The following SHISA9 variants were observed in gnomAD, a reference collection of about 807,000 sequenced individuals.
SHISA9 encodes shisa family member 9, also known as protein shisa-9.
In SHISA9, 13 loss-of-function variants were observed where a neutral mutation model predicts 38.0. That is an observed-to-expected ratio of 0.34 (90% CI 0.22 to 0.54). The LOEUF is 0.54. SHISA9 is among the 20% of genes least tolerant of loss of function. SHISA9 has a pLI of 0.91. For missense variants in SHISA9, 538 were observed against 575.8 expected (o/e 0.93, Z 0.67); for synonymous variants, 275 against 242.0 (o/e 1.14, Z -1.27).
the SHISA9 span, among the ~76,000 whole-genome samples, chr16:13,293,065 T>C: frequency 1.3e-5 from 2 of 152,158 alleles, no homozygotes; most frequent in Non-Finnish European, 2.9e-5. Flanking sequence ...TCTTGGCTAC[T>C]GTATTTACTG....
chr16:13,220,816 C>T (rs1317371146), intron 4 of SHISA9, among the ~76,000 whole-genome samples: 1 of 152,098 alleles, frequency 6.6e-6, no homozygotes, highest in African/African-American at 2.4e-5. Flanking sequence ...TGTCCAGTAG[C>T]CTTTCAGAAG....
intron 2 of SHISA9, among the ~76,000 whole-genome samples, chr16:12,981,713 A>T (rs1450029314): frequency 6.6e-6 from 1 of 152,166 alleles, no homozygotes; most frequent in African/African-American, 2.4e-5. Flanking sequence ...AGTATCTCAC[A>T]ATGTGACTAT....
chr16:13,253,971 T>C, the SHISA9 span, among the ~76,000 whole-genome samples: 1 of 152,106 alleles, frequency 6.6e-6, no homozygotes, highest in Non-Finnish European at 1.5e-5. Context: ...AAAAATGTCT[T>C]CTCAAACATT....
At chr16:13,322,417 A>C in the SHISA9 span, among the ~76,000 whole-genome samples, 1 of 152,184 alleles carries the variant, frequency 6.6e-6, no homozygotes, top group African/African-American at 2.4e-5. Flanking sequence ...CTTATCAGTT[A>C]ATTCAGCTAG....
intron 2 of SHISA9, among the ~76,000 whole-genome samples, chr16:13,091,059 G>T (rs1261649719): frequency 6.6e-6 from 1 of 152,148 alleles, no homozygotes; most frequent in Non-Finnish European, 1.5e-5. Flanking sequence ...CATTTATGAA[G>T]CTTAGTTTGG....
At chr16:13,171,967 C>T (rs929856391) in intron 2 of SHISA9, among the ~76,000 whole-genome samples, 3 of 151,970 alleles carry the variant, frequency 2.0e-5, no homozygotes, top group African/African-American at 7.3e-5. Context: ...ATGAAATAAC[C>T]CAAATGAAAA....
At chr16:13,549,972 G>A in the SHISA9 span, among the ~76,000 whole-genome samples, 4 of 150,694 alleles carry the variant, frequency 2.7e-5, no homozygotes, top group Admixed American at 6.6e-5. Context: ...GCAGTGAGCC[G>A]AGATTGTGCC....
chr16:13,002,774 C>G (rs951971674), intron 2 of SHISA9, among the ~76,000 whole-genome samples: 1 of 152,118 alleles, frequency 6.6e-6, no homozygotes, highest in African/African-American at 2.4e-5. Context: ...CTCAGGTGAT[C>G]TGCCTGCCTC....
chr16:13,034,525 TG>T (rs1238301241), intron 2 of SHISA9, among the ~76,000 whole-genome samples: 1 of 152,196 alleles, frequency 6.6e-6, no homozygotes, highest in Non-Finnish European at 1.5e-5. Context: ...AGTTTATTTT[TG>T]GGGGGCCACT....
the SHISA9 span, among the ~76,000 whole-genome samples, chr16:13,406,518 T>C: frequency 1.3e-5 from 2 of 152,318 alleles, no homozygotes; most frequent in East Asian, 1.9e-4. Context: ...CCTGCTCCTG[T>C]AGAACATTCT....
the SHISA9 span, among the ~76,000 whole-genome samples, chr16:13,299,004 T>G: frequency 9.2e-5 from 14 of 152,248 alleles, no homozygotes; most frequent in African/African-American, 3.1e-4. Context: ...GCAGTCTCCT[T>G]GGCTCTCCTC....
At chr16:12,993,351 A>G (rs1184452996) in intron 2 of SHISA9, among the ~76,000 whole-genome samples, 1 of 152,142 alleles carries the variant, frequency 6.6e-6, no homozygotes, top group African/African-American at 2.4e-5. Context: ...AGTTAATTGC[A>G]TGGACTCTGG....
At chr16:13,300,882 C>CTCCG in the SHISA9 span, among the ~76,000 whole-genome samples, 2 of 127,024 alleles carry the variant, frequency 1.6e-5, no homozygotes, top group Non-Finnish European at 3.3e-5. Context: ...TCTCCTCTCC[C>CTCCG]CTTTCTTTGT....
intron 2 of SHISA9, among the ~76,000 whole-genome samples, chr16:13,182,004 C>T (rs4781423): frequency 0.53 from 80,965 of 151,996 alleles, 22,884 homozygotes; most frequent in African/African-American, 0.74. Context: ...CAGGGACTGA[C>T]GTGGGGAGGC....
At chr16:13,197,058 C>T (rs1351142599) in intron 2 of SHISA9, among the ~76,000 whole-genome samples, 2 of 151,746 alleles carry the variant, frequency 1.3e-5, no homozygotes, top group African/African-American at 4.9e-5. Flanking sequence ...TGCCACTGCA[C>T]TCCAGCCTGG....
the SHISA9 span, among the ~76,000 whole-genome samples, chr16:13,266,326 TC>T: frequency 6.6e-6 from 1 of 152,210 alleles, no homozygotes; most frequent in Non-Finnish European, 1.5e-5. Context: ...TTTATTGATT[TC>T]CCTCTTTGGA....
intron 2 of SHISA9, among the ~76,000 whole-genome samples, chr16:13,173,267 CAG>C (rs2050703634): frequency 6.6e-6 from 1 of 151,252 alleles, no homozygotes; most frequent in Admixed American, 6.6e-5. Context: ...TATAAACACA[CAG>C]AAATGCTGAA....
intron 2 of SHISA9, among the ~76,000 whole-genome samples, chr16:13,084,116 G>T (rs761265381): frequency 1.3e-5 from 2 of 152,048 alleles, no homozygotes; most frequent in Non-Finnish European, 2.9e-5. Context: ...AAGAAAAAAG[G>T]CTAGTTTCTT....
chr16:13,283,184 TTG>T, the SHISA9 span, among the ~76,000 whole-genome samples: 1 of 152,148 alleles, frequency 6.6e-6, no homozygotes, highest in African/African-American at 2.4e-5. Context: ...ACTAGGAACT[TTG>T]TGCAACTTTG....
Sources: gnomAD v4.1 joint callset for allele counts (sites outside exome capture counted in the v4.1 genomes callset) on GRCh38, gnomAD v4.1.1 for gene constraint, MANE v1.5 for transcripts, NCBI Gene and HGNC (gene_info 2026-07-23, HGNC 2026-07-21) for gene names.